The following SPOCD1 variants were observed in gnomAD, a reference collection of about 807,000 sequenced individuals.
SPOCD1 encodes SPOC domain-containing protein 1.
Under a neutral mutation model 92.2 loss-of-function variants are expected in SPOCD1, and 64 were observed. The observed-to-expected ratio is 0.69, with a 90% CI of 0.57 to 0.86. The LOEUF (loss-of-function observed/expected upper bound fraction) is 0.86. SPOCD1 is among the 40% of genes least tolerant of loss of function. SPOCD1 has a pLI of 0.00. For missense variants in SPOCD1, 1,360 were observed against 1,543.1 expected (o/e 0.88, Z 1.99); for synonymous variants, 578 against 619.3 (o/e 0.93, Z 0.99).
chr1:31,792,011 G>C (rs1489099653), intron 15 of SPOCD1: 1 of 615,418 alleles, frequency 1.6e-6, no homozygotes, highest in Non-Finnish European at 2.8e-6. Context: ...ATTCATCTAG[G>C]TAAAGCTTTT....
At chr1:31,811,681 G>A (rs763315379) in intron 2 of SPOCD1, among the ~76,000 whole-genome samples, 1 of 152,194 alleles carries the variant, frequency 6.6e-6, no homozygotes, top group Non-Finnish European at 1.5e-5. Context: ...GCCGGGCACT[G>A]TGCCCCCCAT....
Position 31,798,510 on chromosome 1 carries a change from C to T in SPOCD1, c.1960G>A (p.Gly654Ser), listed in dbSNP as rs1648191937. ...IEAALWDLTQ[G>S]TNGRYKTKYR... is the part of the protein sequence containing the mutation. ...TTGGTCTTGTACCGGCCATTGGTGC[C>T]TTGTGTCAGGTCCCAGAGGGCTGCC... Residue 654 changes from glycine to serine, a missense_variant, in exon 8 of 16, where the codon GGC (glycine) becomes AGC (serine). By Grantham distance (56) the Gly-to-Ser change is moderately conservative (BLOSUM62 0). This residue lies in a region of SPOCD1 where 614 missense variants were observed against 757.8 expected (regional missense o/e 0.81). Coordinates refer to ENST00000360482, the MANE Select transcript of SPOCD1 (RefSeq NM_144569.7). This position sits in a 1 kb window ranked among gnomAD's most constrained non-coding sequence, Gnocchi z 4.1. The T allele has an allele frequency of 2.5e-6, 4 of 1,614,044 alleles. No individual in the cohort carries two copies. The highest frequency in any genetic ancestry group is 1.3e-5 in the African/African-American group (1 of 75,066).
chr1:31,800,865 C>T (rs965816234), intron 3 of SPOCD1, among the ~76,000 whole-genome samples: 12 of 152,184 alleles, frequency 7.9e-5, no homozygotes, highest in South Asian at 2.1e-4. Flanking sequence ...TGTCTCCATC[C>T]GCATCCTTTC....
In SPOCD1 at chr1:31,797,184, GA is replaced by G. The variant is rs555825722; in HGVS notation, c.2146-470del. 2.0e-3 allele frequency among the ~76,000 whole-genome samples: 309 copies of G among 152,318 alleles called. 1 individual carries two copies. Among genetic ancestry groups the G allele is most frequent in the African/African-American group, 7.2e-3 (300 of 41,560 alleles). ...CAACATATATAGAGTGCTTAGCCTGGAACATGGCTCATAGTAAATGCTAGTT... is the reference window on the plus strand; with the variant it reads ...CAACATATATAGAGTGCTTAGCCTGGACATGGCTCATAGTAAATGCTAGTT... On this transcript the variant is annotated intron_variant, in intron 9 of 15. Transcript: ENST00000360482.
chr1:31,811,656 C>A (rs925086041), intron 2 of SPOCD1, among the ~76,000 whole-genome samples: 1 of 152,244 alleles, frequency 6.6e-6, no homozygotes, highest in South Asian at 2.1e-4. Context: ...AGGCCCTAAA[C>A]GGGGCTCCAG....
At chr1:31,809,042 ACCCGG>A (rs1171343540) in intron 2 of SPOCD1, among the ~76,000 whole-genome samples, 1 of 150,992 alleles carries the variant, frequency 6.6e-6, no homozygotes, top group African/African-American at 2.4e-5. Context: ...TACACAAATT[ACCCGG>A]GCATGGTGGC....
At chr1:31,791,348 G>A in intron 15 of SPOCD1, 57 bp from the exon 16 acceptor site, 1 of 1,371,808 alleles carries the variant, frequency 7.3e-7, no homozygotes, top group African/African-American at 1.5e-5. Context: ...CTACATCCCA[G>A]GAAGGGCTTC....
intron 2 of SPOCD1, among the ~76,000 whole-genome samples, chr1:31,810,270 T>TA (rs935884171): frequency 6.6e-6 from 1 of 152,146 alleles, no homozygotes; most frequent in Non-Finnish European, 1.5e-5. Context: ...CTCGGCCACT[T>TA]ACTCGCGATG....
chr1:31,791,606 C>T (rs543951738), intron 15 of SPOCD1, among the ~76,000 whole-genome samples: 116 of 152,340 alleles, frequency 7.6e-4, no homozygotes, highest in African/African-American at 2.7e-3. Context: ...TTTCCTGAGC[C>T]ACGCCGTGGA....
At position 31,814,901 on chromosome 1, in the gene SPOCD1, T is replaced by C. The variant is rs752321828; in HGVS notation, c.433A>G (p.Arg145Gly). 1 of 1,613,788 alleles carries C rather than the reference T, an allele frequency of 6.2e-7. No individual in the cohort carries two copies. The highest frequency in any genetic ancestry group is 8.5e-7 in the Non-Finnish European group (1 of 1,180,006). The part of the protein sequence containing the change: ...LCSRSAGLPE[R>G]ALACRERLAG... ...AGCCTCTCCCTGCAGGCCAGAGCTC[T>C]CTCTGGGAGGCCAGCAGACCTGCTA... Residue 145 changes from arginine (R) to glycine (G), a missense_variant, in exon 2 of 16, where the codon AGA becomes GGA. Around this residue, in one of 3 missense-constraint regions of SPOCD1, gnomAD observed 140 missense variants for 183.8 expected, o/e 0.76. Transcript: ENST00000360482. The surrounding 1 kb of genome is among the most constrained non-coding windows in gnomAD (Gnocchi z 4.2).
chr1:31,802,682 G>A (rs927587517), intron 2 of SPOCD1, among the ~76,000 whole-genome samples: 17 of 152,178 alleles, frequency 1.1e-4, no homozygotes, highest in Non-Finnish European at 4.4e-5. Flanking sequence ...CTTTCTACTT[G>A]TAGGAACTTG....
intron 7 of SPOCD1, among the ~76,000 whole-genome samples, chr1:31,799,121 A>T (rs565452116): frequency 1.3e-5 from 2 of 152,242 alleles, no homozygotes; most frequent in South Asian, 2.1e-4. Flanking sequence ...CACACACTCT[A>T]CGTGAAAGCA....
At chr1:31,800,935 C>T (rs571817125) in intron 3 of SPOCD1, among the ~76,000 whole-genome samples, 53 of 152,298 alleles carry the variant, frequency 3.5e-4, no homozygotes, top group African/African-American at 1.2e-3. Flanking sequence ...TGCCAGGACC[C>T]TCTCACTCTT....
chr1:31,793,912 G>GGCAGGAGCTGAAACAGGGGCA lies in SPOCD1; in HGVS notation c.2384-36_2384-16dup, dbSNP rs778951086. The GGCAGGAGCTGAAACAGGGGCA allele has an allele frequency of 8.7e-6, 14 of 1,602,764 alleles. No homozygotes were observed. Among genetic ancestry groups the GGCAGGAGCTGAAACAGGGGCA allele is most frequent in the Admixed American group, 6.7e-5 (4 of 59,462 alleles). ...GGGCTCCCAGTCTGCAAATAGCAGAGGCAGGAGCTGAAACAGGGGCAGCAG... is the reference window on the plus strand; with the variant it reads ...GGGCTCCCAGTCTGCAAATAGCAGAGGCAGGAGCTGAAACAGGGGCAGCAGGAGCTGAAACAGGGGCAGCAG... On this transcript the variant is annotated splice_polypyrimidine_tract_variant and intron_variant, in intron 11 of 15. Coordinates refer to ENST00000360482, the MANE Select transcript of SPOCD1 (RefSeq NM_144569.7).
intron 2 of SPOCD1, among the ~76,000 whole-genome samples, chr1:31,807,398 G>A (rs1648895207): frequency 3.4e-4 from 1 of 2,930 alleles, no homozygotes; most frequent in Non-Finnish European, 1.3e-3. Context: ...CAAAAGGGGA[G>A]GGGAGGGGAG....
chr1:31,807,155 G>A (rs1190013443), intron 2 of SPOCD1, among the ~76,000 whole-genome samples: 2 of 149,462 alleles, frequency 1.3e-5, no homozygotes, highest in African/African-American at 4.9e-5. Flanking sequence ...TGGGAGGTCA[G>A]GCGGGTTGAT....
Position 31,798,458 on chromosome 1 carries a change from C to G in SPOCD1, c.2012G>C (p.Arg671Pro). 6.2e-7 allele frequency: 1 copy of G among 1,610,960 alleles called. No individual in the cohort carries two copies. The highest frequency in any genetic ancestry group is 8.5e-7 in the Non-Finnish European group (1 of 1,178,214). ...CCTGCTCACCAGGTTCCTGGGGTCCCGCAGGTTGAACAGCAGGCTGCGATA... is the reference window on the plus strand; with the variant it reads ...CCTGCTCACCAGGTTCCTGGGGTCCGGCAGGTTGAACAGCAGGCTGCGATA... ...TKYRSLLFNL[R>P]DPRNLDLFLK... is the part of the protein sequence containing the mutation. Residue 671 changes from arginine (R) to proline (P), a missense_variant, in exon 8 of 16, where the codon CGG becomes CCG. Arg to Pro is a moderately radical substitution (Grantham distance 103). Coordinates refer to ENST00000360482, the MANE Select transcript of SPOCD1 (RefSeq NM_144569.7). This position sits in a 1 kb window ranked among gnomAD's most constrained non-coding sequence, Gnocchi z 4.1.
chr1:31,799,266 G>A lies in SPOCD1; in HGVS notation c.1868+135C>T, dbSNP rs75604117. ...AGCTCTCCACTGGCTCTTGGTATGG[G>A]CAAGGGACCTGGCACAGCTACCAAA... On this transcript the variant is annotated intron_variant, in intron 7 of 15. Transcript: ENST00000360482. 5.8e-3 allele frequency: 4,371 copies of A among 752,266 alleles called. 136 individuals are homozygous for A. The African/African-American group carries it at 0.067, about 12-fold the overall frequency. 46.6% of individuals were successfully genotyped at this position (752,266 alleles called of 1,614,324 possible). A position where few individuals can be genotyped will look rare whatever the true frequency, so the allele number is the denominator to read the frequency against.
Position 31,798,217 on chromosome 1 carries a change from TC to T in SPOCD1, c.2134del (p.Glu712ArgfsTer6). 1 of 1,613,896 alleles carries T rather than the reference TC, an allele frequency of 6.2e-7. No homozygotes were observed. Among genetic ancestry groups the T allele is most frequent in the African/African-American group, 1.3e-5 (1 of 75,018 alleles). Reference protein sequence around the residue: ...PQELARWRDQEEKRGLNIIEQ... With the variant: ...PQELARWRDQXEKRGLNIIEQ... ...GGGCTCAGCACTCACCCTTTTCTCC[TC>T]CTGGTCCCGCCAGCGGGCCAGCTCC... On this transcript the variant is annotated frameshift_variant, in exon 9 of 16. Coordinates refer to ENST00000360482, the MANE Select transcript of SPOCD1 (RefSeq NM_144569.7). LOFTEE classifies it high-confidence loss of function. This position sits in a 1 kb window ranked among gnomAD's most constrained non-coding sequence, Gnocchi z 4.1.
Sources: allele counts gnomAD v4.1 joint callset (sites outside exome capture counted in the v4.1 genomes callset), GRCh38; gene constraint gnomAD v4.1.1; regional missense constraint gnomAD v4.1.1; non-coding constraint Gnocchi (gnomAD v3.1); transcripts MANE v1.5; gene names NCBI Gene and HGNC (gene_info 2026-07-23, HGNC 2026-07-21).